Variants in EXOC4 observed in about 807,000 individuals in gnomAD.
The protein encoded by EXOC4 is SEC8-like 1.
Under a neutral mutation model 107.2 loss-of-function variants are expected in EXOC4, and 71 were observed. The ratio of observed to expected loss-of-function variants is 0.66; its 90% CI spans 0.55 to 0.81. The LOEUF (loss-of-function observed/expected upper bound fraction) is 0.81. Among genes scored for constraint, EXOC4 ranks in the 30% least tolerant of loss-of-function variants. The pLI, the probability that EXOC4 is intolerant of heterozygous loss-of-function variation, is 0.00. For missense variants in EXOC4, 1,108 were observed against 1,189.6 expected (o/e 0.93, Z 1.01); for synonymous variants, 456 against 441.2 (o/e 1.03, Z -0.42).
At chr7:133,831,165 A>G (rs1286126732) in intron 11 of EXOC4, among the ~76,000 whole-genome samples, 1 of 152,008 alleles carries the variant, frequency 6.6e-6, no homozygotes, top group Non-Finnish European at 1.5e-5. Flanking sequence ...GGGTTTCACC[A>G]TGTTGGTCAG....
chr7:133,305,938 G>T lies in EXOC4; in HGVS notation c.533G>T (p.Arg178Leu). 1 of 1,613,508 alleles carries T rather than the reference G, an allele frequency of 6.2e-7. No homozygotes were observed. The highest frequency in any genetic ancestry group is 8.5e-7 in the Non-Finnish European group (1 of 1,179,740). ...LLQVEGLSDL[R>L]LELHSKKMNL... ...CAGGTGGAAGGACTGAGTGACCTTC[G>T]ACTAGAGCTTCACAGCAAGAAGATG... The change falls in exon 4 of 18, where the codon CGA becomes CTA. Residue 178 changes from arginine (R) to leucine (L), a missense_variant. Physicochemically the swap from Arg to Leu is moderately radical, Grantham distance 102. Transcript: ENST00000253861.
intron 10 of EXOC4, among the ~76,000 whole-genome samples, chr7:133,647,483 G>A (rs762946176): frequency 2.0e-5 from 3 of 152,056 alleles, no homozygotes; most frequent in Non-Finnish European, 2.9e-5. Context: ...TATAGCTAAG[G>A]AACCTGAGGC....
chr7:133,287,389 C>T (rs920881938), intron 2 of EXOC4, among the ~76,000 whole-genome samples: 10 of 152,140 alleles, frequency 6.6e-5, no homozygotes, highest in African/African-American at 2.2e-4. Flanking sequence ...CGGCTCACTG[C>T]AAGCTCTGCC....
chr7:133,396,498 G>A (rs1336555356), intron 7 of EXOC4: 1 of 152,120 alleles, frequency 6.6e-6, no homozygotes, highest in Non-Finnish European at 1.5e-5. Context: ...GATTTAAAAA[G>A]GAATGATTTT....
At chr7:133,537,303 C>CG (rs1232835834) in intron 9 of EXOC4, among the ~76,000 whole-genome samples, 4 of 147,622 alleles carry the variant, frequency 2.7e-5, no homozygotes, top group Non-Finnish European at 4.5e-5. Context: ...GGCACCCCCC[C>CG]CCCCACCACA....
intron 17 of EXOC4, among the ~76,000 whole-genome samples, chr7:134,054,283 C>T (rs528358092): frequency 6.6e-6 from 1 of 152,224 alleles, no homozygotes; most frequent in South Asian, 2.1e-4. Flanking sequence ...CCTTAACACC[C>T]ACCCCAACAC....
At position 133,645,401 on chromosome 7, in the gene EXOC4, CT is replaced by C. The variant is rs1802966129; in HGVS notation, c.1514+15261del. On this transcript the variant is annotated intron_variant, in intron 10 of 17. Coordinates refer to ENST00000253861, the MANE Select transcript of EXOC4 (RefSeq NM_021807.4). The stretch of plus-strand genomic sequence containing the variant: ...GCCACCACACCTGGCCCTCTATCAC[CT>C]CTCTTATTCCTCCTCTTCTCTCAGT... Among the ~76,000 whole-genome samples the C allele has an allele frequency of 2.0e-5, 3 of 151,772 alleles. No individual in the cohort carries two copies. In the South Asian group the frequency reaches 6.3e-4, roughly 32 times the overall value.
At chr7:133,283,540 G>C (rs1794206974) in intron 2 of EXOC4, among the ~76,000 whole-genome samples, 1 of 152,178 alleles carries the variant, frequency 6.6e-6, no homozygotes, top group African/African-American at 2.4e-5. Context: ...CCTGTAGTGA[G>C]ATTGTTGGAT....
At chr7:134,092,922 C>CAAAAAAAAA in the EXOC4 span, among the ~76,000 whole-genome samples, 645 of 80,272 alleles carry the variant, frequency 8.0e-3, 13 homozygotes, top group African/African-American at 0.025. Flanking sequence ...GACTCCATCT[C>CAAAAAAAAA]AAAAAAAAAA....
At chr7:133,823,912 A>AAT (rs1563015185) in intron 11 of EXOC4, among the ~76,000 whole-genome samples, 4 of 19,630 alleles carry the variant, frequency 2.0e-4, no homozygotes, top group Non-Finnish European at 3.2e-4. Context: ...TATATATATA[A>AAT]ATATATATAT....
intron 10 of EXOC4, among the ~76,000 whole-genome samples, chr7:133,661,557 G>A (rs889089042): frequency 6.6e-6 from 1 of 150,616 alleles, no homozygotes; most frequent in Non-Finnish European, 1.5e-5. Context: ...TAAAATAAAA[G>A]AATTTTGGGA....
chr7:133,468,869 T>G (rs1255155092), intron 7 of EXOC4, among the ~76,000 whole-genome samples: 3 of 152,196 alleles, frequency 2.0e-5, no homozygotes, highest in Non-Finnish European at 4.4e-5. Flanking sequence ...AGAACTGATT[T>G]GCTGTACCCA....
At chr7:133,733,056 A>G in intron 10 of EXOC4, 1 of 191,180 alleles carries the variant, frequency 5.2e-6, no homozygotes, top group Non-Finnish European at 1.1e-5. Flanking sequence ...ACTTGACTGC[A>G]GATCAGCAAG....
At chr7:133,614,764 A>C (rs989736737) in intron 9 of EXOC4, among the ~76,000 whole-genome samples, 1 of 147,954 alleles carries the variant, frequency 6.8e-6, no homozygotes, top group Non-Finnish European at 1.5e-5. Flanking sequence ...CGATCAAACG[A>C]GTCATGAAAG....
intron 10 of EXOC4, among the ~76,000 whole-genome samples, chr7:133,649,016 T>C (rs1382785466): frequency 6.6e-6 from 1 of 152,162 alleles, no homozygotes; most frequent in East Asian, 1.9e-4. Flanking sequence ...GAGTAGACTT[T>C]TTTGGTAGTT....
intron 6 of EXOC4, among the ~76,000 whole-genome samples, chr7:133,360,604 T>G (rs1796115937): frequency 6.6e-6 from 1 of 152,168 alleles, no homozygotes; most frequent in Non-Finnish European, 1.5e-5. Context: ...GCAGAGAACT[T>G]TGTGGGTTTT....
At chr7:133,293,632 G>C (rs1222277641) in intron 3 of EXOC4, among the ~76,000 whole-genome samples, 2 of 152,168 alleles carry the variant, frequency 1.3e-5, no homozygotes, top group Admixed American at 6.5e-5. Flanking sequence ...CCATCAGACT[G>C]GTCTGGTAGC....
At chr7:134,055,366 T>C (rs1795896332) in intron 17 of EXOC4, among the ~76,000 whole-genome samples, 1 of 152,110 alleles carries the variant, frequency 6.6e-6, no homozygotes, top group Non-Finnish European at 1.5e-5. Flanking sequence ...CCCAGCCCTG[T>C]CTTAACATCA....
At chr7:134,058,072 T>C (rs1373398908) in intron 17 of EXOC4, among the ~76,000 whole-genome samples, 1 of 152,220 alleles carries the variant, frequency 6.6e-6, no homozygotes, top group Non-Finnish European at 1.5e-5. Flanking sequence ...TTCCCTGTTA[T>C]TATCATAGAT....
Sources: allele counts gnomAD v4.1 joint callset (sites outside exome capture counted in the v4.1 genomes callset), GRCh38; gene constraint gnomAD v4.1.1; transcripts MANE v1.5; gene names NCBI Gene and HGNC (gene_info 2026-07-23, HGNC 2026-07-21).